Variants in ALS2CL observed in about 807,000 individuals in gnomAD.
ALS2CL encodes the protein ALS2 C-terminal-like protein.
ALS2CL carries 112 observed loss-of-function variants against 127.9 expected under a neutral mutation model. The observed-to-expected ratio is 0.88, with a 90% CI of 0.75 to 1.02. ALS2CL has a LOEUF of 1.02. Ranked by LOEUF, ALS2CL falls within the 50% of genes least tolerant of loss-of-function variation. The pLI is 0.00. For synonymous variants in ALS2CL, 519 were observed against 527.6 expected (o/e 0.98, Z 0.22); for missense variants, 1,174 against 1,236.7 (o/e 0.95, Z 0.76).
At chr3:46,691,393 A>T (rs1349391899) in intron 1 of ALS2CL, among the ~76,000 whole-genome samples, 1 of 152,082 alleles carries the variant, frequency 6.6e-6, no homozygotes, top group Non-Finnish European at 1.5e-5. Flanking sequence ...ACTGCAGTAA[A>T]TAACTCGCTG....
chr3:46,683,639 C>T (rs912988112), intron 9 of ALS2CL, 143 bp downstream of exon 9: 6 of 1,068,074 alleles, frequency 5.6e-6, no homozygotes, highest in East Asian at 2.4e-5. Flanking sequence ...TTCTTGACCC[C>T]GATTTACTCT....
chr3:46,675,517 C>A (rs1229619972), intron 20 of ALS2CL, 101 bp downstream of exon 20: 3 of 1,117,998 alleles, frequency 2.7e-6, no homozygotes, highest in Non-Finnish European at 4.0e-6. Context: ...GAATGCCCAG[C>A]ACTTCCCCAG....
chr3:46,677,295 G>C (rs1698934541), intron 16 of ALS2CL: 1 of 1,292,264 alleles, frequency 7.7e-7, no homozygotes, highest in East Asian at 3.5e-5. Flanking sequence ...AAGGTGGGCA[G>C]ATCTGGAGGC....
chr3:46,689,409 C>T lies in ALS2CL; in HGVS notation c.32G>A (p.Arg11Gln), dbSNP rs747264533. MCNPEEAALL[R>Q]LEEVFSATLA... The stretch of plus-strand genomic sequence containing the variant: ...GGTGGCTGAGAAGACCTCCTCCAGC[C>T]GCAGCAGAGCTGCCTCCTCAGGGTT... The change falls in exon 2 of 26, where the codon CGG becomes CAG. Residue 11 changes from arginine (R) to glutamine (Q), a missense_variant. Arg to Gln is a conservative substitution (Grantham distance 43). Coordinates refer to ENST00000318962, the MANE Select transcript of ALS2CL (RefSeq NM_147129.5). The T allele has an allele frequency of 1.1e-5, 18 of 1,611,668 alleles. No homozygotes were observed. The highest frequency in any genetic ancestry group is 2.2e-5 in the East Asian group (1 of 44,850).
intron 19 of ALS2CL, chr3:46,675,956 G>A (rs931548353): frequency 7.7e-6 from 11 of 1,422,290 alleles, no homozygotes; most frequent in East Asian, 5.1e-5. Context: ...GGTGTGTTCC[G>A]AGTCCAGGGC....
At chr3:46,685,828 C>T (rs966847480) in intron 6 of ALS2CL, among the ~76,000 whole-genome samples, 184 bp from the exon 7 acceptor site, 1 of 152,206 alleles carries the variant, frequency 6.6e-6, no homozygotes, top group Non-Finnish European at 1.5e-5. Flanking sequence ...TCTCTTGAAG[C>T]TTCAGTGTCC....
chr3:46,681,001 C>T lies in ALS2CL; in HGVS notation c.1436+245G>A. The T allele has an allele frequency of 1.6e-6, 1 of 622,606 alleles. No homozygotes were observed. Among genetic ancestry groups the T allele is most frequent in the Non-Finnish European group, 2.9e-6 (1 of 350,746 alleles). 38.6% of individuals were successfully genotyped at this position (622,606 alleles called of 1,614,324 possible). ...GCTGCAGTTTTTAGACGTGACAGAG[C>T]AGGGGGTCAGAAATGCCTCTCCAAC... On this transcript the variant is annotated intron_variant, in intron 13 of 25. Coordinates refer to ENST00000318962, the MANE Select transcript of ALS2CL (RefSeq NM_147129.5). This position sits in a 1 kb window ranked among gnomAD's most constrained non-coding sequence, Gnocchi z 4.9.
intron 1 of ALS2CL, among the ~76,000 whole-genome samples, chr3:46,692,750 G>A (rs1013889198): frequency 1.3e-5 from 2 of 152,220 alleles, no homozygotes; most frequent in Non-Finnish European, 2.9e-5. Flanking sequence ...GTGAGTCAGC[G>A]GCTGCCCCTG....
rs1380389646 is a variant in ALS2CL, at chr3:46,681,045, G to A, written c.1436+201C>T. On this transcript the variant is annotated intron_variant, in intron 13 of 25. Transcript: ENST00000318962. The surrounding 1 kb of genome is among the most constrained non-coding windows in gnomAD (Gnocchi z 4.9). The stretch of plus-strand genomic sequence containing the variant: ...CTCCAACACCATGAGGAGGGGTGAG[G>A]GGCGGGGGCGACCCTGCAGTCAGCG... The A allele has an allele frequency of 1.1e-5, 9 of 802,090 alleles. No homozygotes were observed. Among genetic ancestry groups the A allele is most frequent in the East Asian group, 5.1e-5 (2 of 39,174 alleles). 49.7% of individuals were successfully genotyped at this position (802,090 alleles called of 1,614,324 possible).
chr3:46,686,187 C>T lies in ALS2CL; in HGVS notation c.666+121G>A. On this transcript the variant is annotated intron_variant, in intron 6 of 25. Coordinates refer to ENST00000318962, the MANE Select transcript of ALS2CL (RefSeq NM_147129.5). The surrounding 1 kb of genome is among the most constrained non-coding windows in gnomAD (Gnocchi z 4.3). Reference sequence around the variant, plus strand: ...TTACAGCCACCTGCTTCAGCCATCACTCCCCCTTCCATATAGGGAAACTGA... The same window carrying T: ...TTACAGCCACCTGCTTCAGCCATCATTCCCCCTTCCATATAGGGAAACTGA... 7.3e-7 allele frequency: 1 copy of T among 1,375,862 alleles called. No homozygotes were observed. The highest frequency in any genetic ancestry group is 2.9e-5 in the Admixed American group (1 of 34,384). 85.2% of individuals were successfully genotyped at this position (1,375,862 alleles called of 1,614,324 possible).
chr3:46,683,224 C>T lies in ALS2CL; in HGVS notation c.1015G>A (p.Asp339Asn), dbSNP rs111670240. Residue 339 changes from aspartate to asparagine, a missense_variant, in exon 10 of 26, where the codon GAC (aspartate) becomes AAC (asparagine). By Grantham distance (23) the Asp-to-Asn change is conservative. Coordinates refer to ENST00000318962, the MANE Select transcript of ALS2CL (RefSeq NM_147129.5). ...GAGLEPSQPP[D>N]CRCAEYTFQA... ...AAGGTATATTCTGCGCAGCGGCAGT[C>T]GGGAGGCTGGGAGGGCTCCAGGCCA... is the stretch of plus-strand genomic sequence containing the variant. 2.9e-3 allele frequency: 4,610 copies of T among 1,608,940 alleles called. 111 individuals are homozygous for T. The African/African-American group carries it at 0.051, about 18-fold the overall frequency.
In ALS2CL at chr3:46,687,013, G is replaced by A. The variant is rs879046989; in HGVS notation, c.504C>T (p.Leu168=). 2.5e-6 allele frequency: 4 copies of A among 1,603,442 alleles called. No individual in the cohort carries two copies. Among genetic ancestry groups the A allele is most frequent in the Non-Finnish European group, 3.4e-6 (4 of 1,178,394 alleles). Residue 168 remains leucine, a synonymous_variant, in exon 5 of 26, where the codon CTC becomes CTT. Coordinates refer to ENST00000318962, the MANE Select transcript of ALS2CL (RefSeq NM_147129.5). The part of the protein sequence containing the change: ...LAHHVQQYVL[L]LLSLGDTIGE... ...CAATGGTGTCCCCGAGGCTCAGCAG[G>A]AGGAGCACGTACTGTTGCACGTGAT...
intron 10 of ALS2CL, among the ~76,000 whole-genome samples, chr3:46,682,575 G>C (rs533314456): frequency 6.6e-4 from 100 of 152,296 alleles, no homozygotes; most frequent in Non-Finnish European, 1.3e-3. Context: ...CTCTGGGTCT[G>C]TTTTCCCAGC....
Position 46,688,146 on chromosome 3 carries a change from G to A in ALS2CL, c.254C>T (p.Ser85Phe), listed in dbSNP as rs766349880. The change falls in exon 3 of 26, where the codon TCC (serine) becomes TTC (phenylalanine). Residue 85 changes from serine to phenylalanine, a missense_variant. Ser to Phe is a radical substitution (Grantham distance 155, BLOSUM62 -2). Coordinates refer to ENST00000318962, the MANE Select transcript of ALS2CL (RefSeq NM_147129.5). ...LRYPDSTGLE[S>F]LLLLRGADRV... Reference sequence around the variant, plus strand: ...GTCAGCACCTCGCAGCAGCAGCAGGGACTCCAGACCGGTGGAGTCCGGGTA... The same window carrying A: ...GTCAGCACCTCGCAGCAGCAGCAGGAACTCCAGACCGGTGGAGTCCGGGTA... 43 of 1,613,178 alleles carry A rather than the reference G, an allele frequency of 2.7e-5. No individual in the cohort carries two copies. The South Asian group carries it at 4.7e-4, about 18-fold the overall frequency.
chr3:46,692,597 G>C lies in ALS2CL; in HGVS notation c.-26+1046C>G, dbSNP rs72899362. 1.6e-3 allele frequency among the ~76,000 whole-genome samples: 243 copies of C among 152,352 alleles called. 1 individual carries two copies. Among genetic ancestry groups the C allele is most frequent in the African/African-American group, 5.7e-3 (235 of 41,586 alleles). ...TCACCTAGCTAGATGGCTCAGAGAG[G>C]GTGGGCAACTCACCTGAGGCACAGA... On this transcript the variant is annotated intron_variant, in intron 1 of 25. Transcript: ENST00000318962.
rs372702705 is a variant in ALS2CL at position 46,675,598 on chromosome 3, A to G, written c.2255+20T>C. 1.2e-6 allele frequency: 2 copies of G among 1,610,944 alleles called. No individual in the cohort carries two copies. Among genetic ancestry groups the G allele is most frequent in the African/African-American group, 1.3e-5 (1 of 74,868 alleles). On this transcript the variant is annotated intron_variant, in intron 20 of 25. Coordinates refer to ENST00000318962, the MANE Select transcript of ALS2CL (RefSeq NM_147129.5). ...GCCTCCCTGGACACGGCAGGCCCCA[A>G]GGAGACCTGCGCCAGTCACCTTGTC...
chr3:46,689,709 C>A (rs976938766), intron 1 of ALS2CL, among the ~76,000 whole-genome samples: 1 of 152,230 alleles, frequency 6.6e-6, no homozygotes, highest in Admixed American at 6.5e-5. Flanking sequence ...GGGAAGCAAC[C>A]CTTTCTTCCC....
At chr3:46,672,436 G>A (rs1253172350) in intron 22 of ALS2CL, among the ~76,000 whole-genome samples, 1 of 152,222 alleles carries the variant, frequency 6.6e-6, no homozygotes, top group Non-Finnish European at 1.5e-5. Flanking sequence ...GGATCCAAAC[G>A]GATAAGAAGA....
In ALS2CL at chr3:46,673,204, G is replaced by A. The variant is rs903703098; in HGVS notation, c.2472+135C>T. 8.2e-6 allele frequency: 7 copies of A among 854,186 alleles called. No homozygotes were observed. The African/African-American group carries it at 1.0e-4, about 12-fold the overall frequency. The allele number at this position is 854,186 out of a possible 1,614,324, so 52.9% of individuals were successfully genotyped here. A position where few individuals can be genotyped will look rare whatever the true frequency, so the allele number is the denominator to read the frequency against. On this transcript the variant is annotated intron_variant, in intron 22 of 25. Coordinates refer to ENST00000318962, the MANE Select transcript of ALS2CL (RefSeq NM_147129.5). The stretch of plus-strand genomic sequence containing the variant: ...ACCACACTGGGAGGTCAGAATGACA[G>A]TGTCTCCTCCCAACCCACCCTGCCC...
Sources: allele counts gnomAD v4.1 joint callset (sites outside exome capture counted in the v4.1 genomes callset), GRCh38; gene constraint gnomAD v4.1.1; non-coding constraint Gnocchi (gnomAD v3.1); transcripts MANE v1.5; gene names NCBI Gene and HGNC (gene_info 2026-07-23, HGNC 2026-07-21).